RGS6: variants seen among roughly 807,000 people sequenced by gnomAD.
RGS6 encodes the protein regulator of G protein signaling 6.
RGS6 carries 30 observed loss-of-function variants against 78.5 expected under a neutral mutation model. The ratio of observed to expected loss-of-function variants is 0.38; its 90% CI spans 0.29 to 0.52. The LOEUF (loss-of-function observed/expected upper bound fraction) is 0.52, where lower values mean the gene tolerates loss of function less well. Ranked by LOEUF, RGS6 falls within the 20% of genes least tolerant of loss-of-function variation. RGS6 has a pLI of 0.85. For missense variants in RGS6, 495 were observed against 609.7 expected (o/e 0.81, Z 1.98); for synonymous variants, 206 against 206.0 (o/e 1.00, Z 0.00).
chr14:72,285,211 G>A (rs1939824727), intron 2 of RGS6, among the ~76,000 whole-genome samples: 2 of 152,254 alleles, frequency 1.3e-5, no homozygotes, highest in South Asian at 4.1e-4. Flanking sequence ...GAAATGTAAG[G>A]ACATGAGATT....
intron 3 of RGS6, among the ~76,000 whole-genome samples, chr14:72,420,285 G>A (rs1284086855): frequency 6.6e-6 from 1 of 152,206 alleles, no homozygotes; most frequent in African/African-American, 2.4e-5. Context: ...CATATTTGAA[G>A]TTAATATTAG....
intron 2 of RGS6, among the ~76,000 whole-genome samples, chr14:72,076,033 A>G (rs1301409522): frequency 6.6e-6 from 1 of 152,116 alleles, no homozygotes; most frequent in African/African-American, 2.4e-5. Context: ...AACCCTCCCA[A>G]ACTCCTACCT....
chr14:72,039,032 T>C (rs1321899752), intron 2 of RGS6, among the ~76,000 whole-genome samples: 1 of 152,214 alleles, frequency 6.6e-6, no homozygotes, highest in Non-Finnish European at 1.5e-5. Flanking sequence ...GTGATCCTTG[T>C]TGGTTTTCCA....
rs910933398 is a variant in RGS6 at position 72,278,924 on chromosome 14, T to G, written c.85-73171T>G. On this transcript the variant is annotated intron_variant, in intron 2 of 17. Coordinates refer to ENST00000553525, the MANE Select transcript of RGS6 (RefSeq NM_001204424.2). Reference sequence around the variant, plus strand: ...CACTTCCTGGCTGTGGGCAGTGCCCTCTTGTTGTGTGCTCACGTGACCTCT... The same window carrying G: ...CACTTCCTGGCTGTGGGCAGTGCCCGCTTGTTGTGTGCTCACGTGACCTCT... 4.6e-5 allele frequency among the ~76,000 whole-genome samples: 7 copies of G among 152,200 alleles called. No individual in the cohort carries two copies. The South Asian group carries it at 1.5e-3, about 32-fold the overall frequency.
rs58138918 is a variant in RGS6, at chr14:72,446,800, T to C, written c.185-7728T>C. On this transcript the variant is annotated intron_variant, in intron 3 of 17. Transcript: ENST00000553525. ...AGGCATTAGATTCTCATAAGGAGCG[T>C]GCAACCTACCTGGCATGCACAGTTC... Among the ~76,000 whole-genome samples the C allele has an allele frequency of 2.5e-3, 383 of 152,256 alleles. 5 individuals are homozygous for C. Among genetic ancestry groups the C allele is most frequent in the African/African-American group, 8.9e-3 (368 of 41,528 alleles).
intron 2 of RGS6, among the ~76,000 whole-genome samples, chr14:72,136,286 G>A (rs61994830): frequency 0.17 from 26,452 of 151,928 alleles, 2,942 homozygotes; most frequent in Non-Finnish European, 0.24. Context: ...GTTGTCCAAG[G>A]ACATCTTATC....
intron 3 of RGS6, among the ~76,000 whole-genome samples, chr14:72,425,592 T>C (rs1380582042): frequency 6.6e-6 from 1 of 152,214 alleles, no homozygotes; most frequent in Non-Finnish European, 1.5e-5. Context: ...ATCTCACTTA[T>C]AAAAACATAG....
At chr14:72,412,434 G>A (rs914649670) in intron 3 of RGS6, among the ~76,000 whole-genome samples, 97 of 150,810 alleles carry the variant, frequency 6.4e-4, no homozygotes, top group African/African-American at 2.0e-3. Context: ...ATTTTTTATT[G>A]CGTCTATTTG....
At chr14:71,955,925 C>T (rs1595182184) in intron 1 of RGS6, among the ~76,000 whole-genome samples, 1 of 152,106 alleles carries the variant, frequency 6.6e-6, no homozygotes, top group Non-Finnish European at 1.5e-5. Context: ...AGATGGAGAA[C>T]ATGGTGGCTT....
chr14:72,197,600 T>C (rs924789259), intron 2 of RGS6, among the ~76,000 whole-genome samples: 1 of 152,234 alleles, frequency 6.6e-6, no homozygotes, highest in Non-Finnish European at 1.5e-5. Context: ...ATAGTATTTT[T>C]AAAAATTAAA....
At chr14:72,537,899 G>C (rs1395750368) in intron 16 of RGS6, among the ~76,000 whole-genome samples, 1 of 152,124 alleles carries the variant, frequency 6.6e-6, no homozygotes, top group African/African-American at 2.4e-5. Flanking sequence ...CCCAAACCAG[G>C]CTGAGACCCC....
intron 2 of RGS6, among the ~76,000 whole-genome samples, chr14:72,133,799 T>C (rs1158057295): frequency 3.3e-5 from 5 of 151,934 alleles, no homozygotes; most frequent in Admixed American, 3.3e-4. Flanking sequence ...CCATAAGCAA[T>C]CCACTCATCT....
At chr14:72,484,628 G>T (rs1329112442) in intron 12 of RGS6, among the ~76,000 whole-genome samples, 1 of 151,974 alleles carries the variant, frequency 6.6e-6, no homozygotes, top group African/African-American at 2.4e-5. Flanking sequence ...TTTTATTTTT[G>T]TCATATTTTC....
At chr14:72,561,803 C>G (rs912426976) in intron 17 of RGS6, among the ~76,000 whole-genome samples, 2 of 152,212 alleles carry the variant, frequency 1.3e-5, no homozygotes, top group African/African-American at 4.8e-5. Context: ...ACATAGGAGA[C>G]AGCAGGAGTG....
the RGS6 span, among the ~76,000 whole-genome samples, chr14:72,602,460 T>TA: frequency 6.6e-6 from 1 of 152,040 alleles, no homozygotes; most frequent in Non-Finnish European, 1.5e-5. Flanking sequence ...CTCATGGAGG[T>TA]TATGTAGCAT....
chr14:72,358,117 G>A (rs1016407182), intron 3 of RGS6, among the ~76,000 whole-genome samples: 31 of 152,302 alleles, frequency 2.0e-4, no homozygotes, highest in African/African-American at 7.2e-4. Flanking sequence ...GTGTGCAGAA[G>A]ACAAGAACTG....
intron 2 of RGS6, among the ~76,000 whole-genome samples, chr14:72,009,918 A>G (rs1219913771): frequency 3.3e-5 from 5 of 152,214 alleles, no homozygotes; most frequent in African/African-American, 1.2e-4. Flanking sequence ...CCTTTGCTGG[A>G]GGAATCTAAA....
At chr14:72,449,348 G>A (rs532762381) in intron 3 of RGS6, among the ~76,000 whole-genome samples, 32 of 152,302 alleles carry the variant, frequency 2.1e-4, no homozygotes, top group Non-Finnish European at 4.0e-4. Context: ...GCAGGTGATG[G>A]GAACCAGTCT....
intron 2 of RGS6, among the ~76,000 whole-genome samples, chr14:72,060,759 C>A (rs1488425773): frequency 6.6e-6 from 1 of 152,108 alleles, no homozygotes; most frequent in Non-Finnish European, 1.5e-5. Context: ...AAATTTGAGG[C>A]CCTGGCGATG....
Sources: gnomAD v4.1 joint callset for allele counts (sites outside exome capture counted in the v4.1 genomes callset) on GRCh38, gnomAD v4.1.1 for gene constraint, MANE v1.5 for transcripts, NCBI Gene and HGNC (gene_info 2026-07-23, HGNC 2026-07-21) for gene names.